TUBGCP6: variants seen among roughly 807,000 people sequenced by gnomAD.
TUBGCP6 encodes gamma-tubulin complex component 6.
TUBGCP6 carries 161 observed loss-of-function variants against 175.8 expected under a neutral mutation model. The ratio of observed to expected loss-of-function variants is 0.92; its 90% CI spans 0.81 to 1.04. The LOEUF (loss-of-function observed/expected upper bound fraction) is 1.04. Among genes scored for constraint, TUBGCP6 ranks in the 50% least tolerant of loss-of-function variants. TUBGCP6 has a pLI of 0.00. For missense variants in TUBGCP6, 2,572 were observed against 2,433.0 expected (o/e 1.06, Z -1.20); for synonymous variants, 1,173 against 1,030.5 (o/e 1.14, Z -2.65).
chr22:50,219,465 G>C lies in TUBGCP6; in HGVS notation c.4316-9C>G, dbSNP rs1311322988. ...AGCAATGGGCGGCTCGGCTGCGGGAGATGGAGCACGCACGTGCTGGGAACC... is the reference window on the plus strand; with the variant it reads ...AGCAATGGGCGGCTCGGCTGCGGGACATGGAGCACGCACGTGCTGGGAACC... On this transcript the variant is annotated splice_polypyrimidine_tract_variant and intron_variant, in intron 18 of 24. Transcript: ENST00000248846. The C allele has an allele frequency of 1.9e-6, 3 of 1,586,826 alleles. No individual in the cohort carries two copies. Among genetic ancestry groups the C allele is most frequent in the African/African-American group, 1.3e-5 (1 of 74,234 alleles).
intron 13 of TUBGCP6, chr22:50,223,895 A>G (rs2064565748): frequency 6.1e-6 from 3 of 490,074 alleles, no homozygotes; most frequent in South Asian, 5.8e-5. Context: ...GACCCCAAAC[A>G]GTACGCAGGC....
At position 50,243,994 on chromosome 22, in the gene TUBGCP6, A is replaced by G. The variant is rs751077211; in HGVS notation, c.466T>C (p.Phe156Leu). 41 of 1,614,038 alleles carry G rather than the reference A, an allele frequency of 2.5e-5. 2 individuals carry two copies. The South Asian group carries it at 4.5e-4, about 18-fold the overall frequency. ...ATCAGAGACTGAACGTCCATCTCAA[A>G]CACACTCAGGTCGTCGCAATCATAG... Reference protein sequence around the residue: ...SGYDCDDLSVFEMDVQSLISR... With the variant: ...SGYDCDDLSVLEMDVQSLISR... Residue 156 changes from phenylalanine (F) to leucine (L), a missense_variant, in exon 1 of 25, where the codon TTT becomes CTT. By Grantham distance (22) the Phe-to-Leu change is conservative. Coordinates refer to ENST00000248846, the MANE Select transcript of TUBGCP6 (RefSeq NM_020461.4).
intron 1 of TUBGCP6, among the ~76,000 whole-genome samples, chr22:50,241,861 G>A (rs1461287211): frequency 1.3e-5 from 2 of 151,870 alleles, no homozygotes; most frequent in Non-Finnish European, 2.9e-5. Flanking sequence ...TGATCCCCCG[G>A]GCCCAGCTGT....
intron 13 of TUBGCP6, chr22:50,223,489 CCT>C (rs765378818): frequency 1.2e-4 from 18 of 153,496 alleles, no homozygotes; most frequent in African/African-American, 4.1e-4. Context: ...GGACAAATGC[CCT>C]GTCTCAGCCG....
chr22:50,224,534 G>A lies in TUBGCP6; in HGVS notation c.2042C>T (p.Ser681Phe), dbSNP rs1204561026. ...ACCACTCAGTGCACTCAGGACCCTG[G>A]ATGCTGCTTCCCGGGCATGAGCGAT... ...ELIAHAREAA[S>F]RVLSALSDRQ... Residue 681 changes from serine to phenylalanine, a missense_variant, in exon 11 of 25, where the codon TCC (serine) becomes TTC (phenylalanine). Coordinates refer to ENST00000248846, the MANE Select transcript of TUBGCP6 (RefSeq NM_020461.4). The A allele has an allele frequency of 6.2e-7, 1 of 1,614,058 alleles. No individual in the cohort carries two copies. The highest frequency in any genetic ancestry group is 8.5e-7 in the Non-Finnish European group (1 of 1,180,052).
At position 50,229,157 on chromosome 22, in the gene TUBGCP6, C is replaced by T. The variant is rs2064656880; in HGVS notation, c.1290+247G>A. Among the ~76,000 whole-genome samples the T allele has an allele frequency of 5.3e-5, 8 of 152,198 alleles. No homozygotes were observed. The South Asian group carries it at 1.7e-3, about 31-fold the overall frequency. ...CTGCGCACCCCTTATGCTGGCTGCA[C>T]CTGCCTCCTACACACCCCAGGGCCC... On this transcript the variant is annotated intron_variant, in intron 4 of 24. Transcript: ENST00000248846.
Position 50,220,503 on chromosome 22 carries a change from C to T in TUBGCP6, c.3856G>A (p.Ala1286Thr). The change falls in exon 16 of 25, where the codon GCT (alanine) becomes ACT (threonine). Residue 1286 changes from alanine (A) to threonine (T), a missense_variant. Ala to Thr is a moderately conservative substitution (Grantham distance 58). Coordinates refer to ENST00000248846, the MANE Select transcript of TUBGCP6 (RefSeq NM_020461.4). Reference protein sequence around the residue: ...HMVLGALSPEAEPNTPRPQQS... With the variant: ...HMVLGALSPETEPNTPRPQQS... ...TGGGGCCTGGGTGTGTTGGGCTCAG[C>T]TTCTGGTGAGAGAGCCCCCAGCACC... The T allele has an allele frequency of 6.2e-7, 1 of 1,613,502 alleles. No individual in the cohort carries two copies. Among genetic ancestry groups the T allele is most frequent in the East Asian group, 2.2e-5 (1 of 44,880 alleles).
chr22:50,230,863 C>G (rs2064678883), intron 3 of TUBGCP6, among the ~76,000 whole-genome samples: 1 of 150,910 alleles, frequency 6.6e-6, no homozygotes, highest in Non-Finnish European at 1.5e-5. Flanking sequence ...GCAAGCGGAT[C>G]ACTTGAGGTC....
intron 2 of TUBGCP6, among the ~76,000 whole-genome samples, chr22:50,238,020 C>A (rs1329193585): frequency 6.6e-6 from 1 of 152,086 alleles, no homozygotes; most frequent in East Asian, 1.9e-4. Context: ...GTAATCCCAG[C>A]TACTTGGGAA....
chr22:50,227,855 C>G lies in TUBGCP6; in HGVS notation c.1412+52G>C, dbSNP rs192252360. 152 of 1,553,014 alleles carry G rather than the reference C, an allele frequency of 9.8e-5. 1 individual carries two copies. In the Admixed American group the frequency reaches 2.2e-3, roughly 23 times the overall value. On this transcript the variant is annotated intron_variant, in intron 5 of 24. Coordinates refer to ENST00000248846, the MANE Select transcript of TUBGCP6 (RefSeq NM_020461.4). The stretch of plus-strand genomic sequence containing the variant: ...GGCAAACCCTCCACCACCCAGCAAG[C>G]CCCACACCGCTCCCGCAAAGTCCCC...
intron 3 of TUBGCP6, 142 bp downstream of exon 3, chr22:50,233,174 C>T: frequency 1.2e-6 from 1 of 846,076 alleles, no homozygotes; most frequent in Non-Finnish European, 1.8e-6. Flanking sequence ...GCTGTCATCA[C>T]TGGTGGCCCT....
chr22:50,217,905 G>A lies in TUBGCP6; in HGVS notation c.5368+13C>T, dbSNP rs751487093. The A allele has an allele frequency of 5.6e-6, 9 of 1,606,252 alleles. No homozygotes were observed. The highest frequency in any genetic ancestry group is 1.7e-5 in the Admixed American group (1 of 59,124). ...GGCCCCCCCGCAGCCCTCCCAGCCA[G>A]GGTGGGCCTCACCTTTGAAGAGAAA... is the stretch of plus-strand genomic sequence containing the variant. On this transcript the variant is annotated intron_variant, in intron 24 of 24. Coordinates refer to ENST00000248846, the MANE Select transcript of TUBGCP6 (RefSeq NM_020461.4).
chr22:50,218,610 G>C lies in TUBGCP6; in HGVS notation c.4832C>G (p.Pro1611Arg). The change falls in exon 22 of 25, where the codon CCT becomes CGT. Residue 1611 changes from proline (P) to arginine (R), a missense_variant. By Grantham distance (103) the Pro-to-Arg change is moderately radical (BLOSUM62 -2). Transcript: ENST00000248846. ...CLELRYKVDW[P>R]LNIVITEGCV... ...GCCCTCGGTGATGACAATGTTGAGA[G>C]GCCAGTCCACCTGCCAGGAGGCGTG... 4 of 1,613,648 alleles carry C rather than the reference G, an allele frequency of 2.5e-6. No individual in the cohort carries two copies. Among genetic ancestry groups the C allele is most frequent in the Non-Finnish European group, 3.4e-6 (4 of 1,179,838 alleles).
In TUBGCP6 at chr22:50,227,966, C is replaced by T. The variant is rs575155995; in HGVS notation, c.1353G>A (p.Pro451=). The T allele has an allele frequency of 2.8e-5, 44 of 1,571,604 alleles. 2 individuals carry two copies. The highest frequency in any genetic ancestry group is 1.9e-4 in the African/African-American group (14 of 74,518). Residue 451 remains proline (P), a synonymous_variant, in exon 5 of 25, where the codon CCG becomes CCA. Coordinates refer to ENST00000248846, the MANE Select transcript of TUBGCP6 (RefSeq NM_020461.4). The stretch of plus-strand genomic sequence containing the variant: ...CAATGGTGAGGAGGCTCAGGGTGGG[C>T]GGAGTGGAAAGGACGCAGGCCCGGT... ...QYYRACVLST[P]PTLSLLTIGF...
rs769886455 is a variant in TUBGCP6, at chr22:50,226,127, C to T, written c.1756G>A (p.Val586Met). The change falls in exon 9 of 25, where the codon GTG (valine) becomes ATG (methionine). Residue 586 changes from valine to methionine, a missense_variant. Physicochemically the swap from Val to Met is conservative, Grantham distance 21. Transcript: ENST00000248846. ...TCGTGGGCAATGTGCTTCAGAAACA[C>T]GGGAACACAGTCCTCCACCTCTTTG... The part of the protein sequence containing the change: ...ISKEVEDCVP[V>M]FLKHIAHDIY... The T allele has an allele frequency of 9.3e-6, 15 of 1,614,068 alleles. No homozygotes were observed. In the African/African-American group the frequency reaches 1.1e-4, roughly 11 times the overall value.
Position 50,220,856 on chromosome 22 carries a change from C to T in TUBGCP6, c.3503G>A (p.Ser1168Asn), listed in dbSNP as rs1385701011. 6.2e-7 allele frequency: 1 copy of T among 1,606,860 alleles called. No individual in the cohort carries two copies. Residue 1168 changes from serine (S) to asparagine (N), a missense_variant, in exon 16 of 25, where the codon AGC becomes AAC. Physicochemically the swap from Ser to Asn is conservative, Grantham distance 46. Transcript: ENST00000248846. ...TGACACAGACTCCCCCAAGCTGATG[C>T]TGGCATCGGACACGTGTCCATGGGT... ...WNTHGHVSDA[S>N]ISLGESVSDM...
Position 50,218,469 on chromosome 22 carries a change from G to A in TUBGCP6, c.4954+19C>T, listed in dbSNP as rs375370291. 7 of 1,613,136 alleles carry A rather than the reference G, an allele frequency of 4.3e-6. No individual in the cohort carries two copies. The South Asian group carries it at 6.6e-5, about 15-fold the overall frequency. On this transcript the variant is annotated intron_variant, in intron 22 of 24. Coordinates refer to ENST00000248846, the MANE Select transcript of TUBGCP6 (RefSeq NM_020461.4). Reference sequence around the variant, plus strand: ...CTCCAGCCAGGGGTGCGGGGCGCCGGGCTCCAGCGGGGCCTCACCTGTGCG... The same window carrying A: ...CTCCAGCCAGGGGTGCGGGGCGCCGAGCTCCAGCGGGGCCTCACCTGTGCG...
At chr22:50,219,522 G>A in intron 18 of TUBGCP6, 66 bp from the exon 19 acceptor site, 1 of 1,588,318 alleles carries the variant, frequency 6.3e-7, no homozygotes, top group Non-Finnish European at 8.6e-7. Flanking sequence ...CCATCCACAG[G>A]AGATGGAGCA....
At chr22:50,225,071 C>G (rs2064585599) in intron 10 of TUBGCP6, among the ~76,000 whole-genome samples, 1 of 148,776 alleles carries the variant, frequency 6.7e-6, no homozygotes, top group African/African-American at 2.5e-5. Context: ...CCACCCTCCC[C>G]CACCCCCAGG....
Sources: allele counts gnomAD v4.1 joint callset (sites outside exome capture counted in the v4.1 genomes callset), GRCh38; gene constraint gnomAD v4.1.1; transcripts MANE v1.5; gene names NCBI Gene and HGNC (gene_info 2026-07-23, HGNC 2026-07-21).